The following PPP3CA variants were observed in gnomAD, a reference collection of about 807,000 sequenced individuals.
PPP3CA encodes the protein protein phosphatase 3 catalytic subunit alpha, also known as CAM-PRP catalytic subunit.
PPP3CA carries 14 observed loss-of-function variants against 66.5 expected under a neutral mutation model. The observed-to-expected ratio is 0.21, with a 90% CI of 0.14 to 0.33. PPP3CA has a LOEUF of 0.33. PPP3CA is among the 10% of genes least tolerant of loss of function. The pLI, the probability that PPP3CA is intolerant of heterozygous loss-of-function variation, is 1.00. For synonymous variants in PPP3CA, 232 were observed against 226.2 expected (o/e 1.03, Z -0.23); for missense variants, 317 against 639.5 (o/e 0.50, Z 5.44).
At chr4:101,211,439 A>G (rs959107006) in intron 1 of PPP3CA, among the ~76,000 whole-genome samples, 2 of 152,220 alleles carry the variant, frequency 1.3e-5, no homozygotes, top group African/African-American at 4.8e-5. Context: ...AATTTTCTAA[A>G]TGCAATAATG....
intron 1 of PPP3CA, among the ~76,000 whole-genome samples, chr4:101,253,402 G>A (rs1726739638): frequency 6.6e-6 from 1 of 152,064 alleles, no homozygotes. Context: ...GAAAGACAAT[G>A]ATAATACTGA....
intron 1 of PPP3CA, among the ~76,000 whole-genome samples, chr4:101,231,782 T>A (rs1466339010): frequency 6.6e-6 from 1 of 151,794 alleles, no homozygotes; most frequent in African/African-American, 2.4e-5. Context: ...TTATTCTGAT[T>A]GTTCAGTAAA....
intron 1 of PPP3CA, among the ~76,000 whole-genome samples, chr4:101,315,046 T>C (rs986568766): frequency 7.2e-5 from 11 of 152,308 alleles, no homozygotes; most frequent in African/African-American, 2.4e-4. Flanking sequence ...ATTCACATGT[T>C]GAAACTTAAT....
intron 1 of PPP3CA, among the ~76,000 whole-genome samples, chr4:101,282,376 G>A (rs1274405014): frequency 6.6e-6 from 1 of 152,198 alleles, no homozygotes; most frequent in Non-Finnish European, 1.5e-5. Context: ...TACAATTCAT[G>A]TTAGATACAG....
chr4:101,199,212 A>C (rs1312189004), intron 1 of PPP3CA, among the ~76,000 whole-genome samples: 6 of 152,234 alleles, frequency 3.9e-5, no homozygotes, highest in Non-Finnish European at 7.4e-5. Context: ...ACCTGTGCCA[A>C]ATACTGAGCA....
intron 10 of PPP3CA, among the ~76,000 whole-genome samples, chr4:101,050,945 A>G (rs929873827): frequency 6.6e-6 from 1 of 152,148 alleles, no homozygotes; most frequent in African/African-American, 2.4e-5. Flanking sequence ...GTGAATATCA[A>G]GCTGCCCTGA....
chr4:101,263,993 T>C (rs1727089341), intron 1 of PPP3CA, among the ~76,000 whole-genome samples: 1 of 152,204 alleles, frequency 6.6e-6, no homozygotes, highest in East Asian at 1.9e-4. Flanking sequence ...TAATAATTAC[T>C]GGGAAGAGTC....
chr4:101,302,219 C>T lies in PPP3CA; in HGVS notation c.58+44520G>A, dbSNP rs7661946. Reference sequence around the variant, plus strand: ...TCCCCAGAATGTTGCTCAAATGAAGCATCAAGCATCAGCTCCCTCATTAGC... The same window carrying T: ...TCCCCAGAATGTTGCTCAAATGAAGTATCAAGCATCAGCTCCCTCATTAGC... On this transcript the variant is annotated intron_variant, in intron 1 of 13. Transcript: ENST00000394854. 3.0e-3 allele frequency among the ~76,000 whole-genome samples: 453 copies of T among 152,268 alleles called. 4 individuals are homozygous for T. The highest frequency in any genetic ancestry group is 0.01 in the African/African-American group (430 of 41,538).
chr4:101,128,073 T>A (rs1353914979), intron 2 of PPP3CA, among the ~76,000 whole-genome samples: 1 of 152,170 alleles, frequency 6.6e-6, no homozygotes, highest in Non-Finnish European at 1.5e-5. Flanking sequence ...TGGAAAGGCA[T>A]CCCTCACATA....
At chr4:101,081,884 T>C (rs1330759444) in intron 7 of PPP3CA, among the ~76,000 whole-genome samples, 1 of 152,204 alleles carries the variant, frequency 6.6e-6, no homozygotes, top group Non-Finnish European at 1.5e-5. Context: ...CTCTTAATCC[T>C]AGTACCTTGA....
rs942233484 is a variant in PPP3CA, at chr4:101,237,953, G to A, written c.59-41837C>T. Among the ~76,000 whole-genome samples the A allele has an allele frequency of 7.2e-5, 11 of 151,952 alleles. No individual in the cohort carries two copies. The East Asian group carries it at 1.9e-3, about 27-fold the overall frequency. On this transcript the variant is annotated intron_variant, in intron 1 of 13. Transcript: ENST00000394854. ...ATCCCAGCTCCAGAGCTCACCATAG[G>A]GCTGACTCACATCTCTATTCCTACC...
At chr4:101,219,422 T>C (rs983007139) in intron 1 of PPP3CA, among the ~76,000 whole-genome samples, 36 of 151,920 alleles carry the variant, frequency 2.4e-4, no homozygotes, top group African/African-American at 8.7e-4. Context: ...TATTAAAAAC[T>C]AGCATGGAGG....
chr4:101,044,584 A>G (rs1727677075), intron 10 of PPP3CA, among the ~76,000 whole-genome samples: 1 of 152,246 alleles, frequency 6.6e-6, no homozygotes, highest in Admixed American at 6.5e-5. Flanking sequence ...TAGAAAAAAT[A>G]GTAATTTTAA....
At chr4:101,127,608 T>C (rs1722287768) in intron 2 of PPP3CA, among the ~76,000 whole-genome samples, 1 of 152,192 alleles carries the variant, frequency 6.6e-6, no homozygotes, top group African/African-American at 2.4e-5. Context: ...TTCAGGCTTC[T>C]GGCCTCCAGA....
At chr4:101,257,918 A>T (rs765397898) in intron 1 of PPP3CA, among the ~76,000 whole-genome samples, 1 of 152,100 alleles carries the variant, frequency 6.6e-6, no homozygotes, top group Non-Finnish European at 1.5e-5. Flanking sequence ...ATGTTAGCAA[A>T]TGAAACTGTG....
chr4:101,038,025 T>C (rs760944881), intron 11 of PPP3CA, among the ~76,000 whole-genome samples: 9 of 152,224 alleles, frequency 5.9e-5, no homozygotes, highest in Non-Finnish European at 1.0e-4. Flanking sequence ...TCAGATTCAA[T>C]TTCCTCACAG....
intron 1 of PPP3CA, among the ~76,000 whole-genome samples, chr4:101,283,889 C>A (rs1727757983): frequency 6.6e-6 from 1 of 152,196 alleles, no homozygotes; most frequent in Admixed American, 6.5e-5. Context: ...CTATTCTTCT[C>A]AAGACCGACG....
chr4:101,202,173 A>G (rs1236426356), intron 1 of PPP3CA, among the ~76,000 whole-genome samples: 1 of 151,938 alleles, frequency 6.6e-6, no homozygotes, highest in African/African-American at 2.4e-5. Flanking sequence ...ATCCAGTTGC[A>G]GATTTCTCTT....
chr4:101,291,649 G>A (rs1051874432), intron 1 of PPP3CA, among the ~76,000 whole-genome samples: 3 of 152,146 alleles, frequency 2.0e-5, no homozygotes, highest in Non-Finnish European at 4.4e-5. Flanking sequence ...TGTTCTCCAG[G>A]ACATTTCAAA....
Sources: allele counts gnomAD v4.1 joint callset (sites outside exome capture counted in the v4.1 genomes callset), GRCh38; gene constraint gnomAD v4.1.1; transcripts MANE v1.5; gene names NCBI Gene and HGNC (gene_info 2026-07-23, HGNC 2026-07-21).